ALG9: variants seen among roughly 807,000 people sequenced by gnomAD.
ALG9 encodes ALG9 alpha-1,2-mannosyltransferase, also known as alpha-1,2-mannosyltransferase ALG9.
ALG9 carries 55 observed loss-of-function variants against 81.8 expected under a neutral mutation model. That is an observed-to-expected ratio of 0.67 (90% CI 0.54 to 0.84). The LOEUF (loss-of-function observed/expected upper bound fraction) is 0.84, where lower values mean the gene tolerates loss of function less well. ALG9 is among the 40% of genes least tolerant of loss of function. ALG9 has a pLI of 0.00. For synonymous variants in ALG9, 278 were observed against 274.3 expected, an observed-to-expected ratio of 1.01 and a Z score of -0.13; for missense variants, 629 against 745.0, an observed-to-expected ratio of 0.84 and a Z score of 1.81.
At chr11:111,805,606 C>CAAAGTCTTTTCCAGTATGTA (rs1259041137) in intron 14 of ALG9, among the ~76,000 whole-genome samples, 2 of 152,074 alleles carry the variant, frequency 1.3e-5, no homozygotes, top group East Asian at 3.8e-4. Flanking sequence ...CTGGAAAAGG[C>CAAAGTCTTTTCCAGTATGTA]AAAACTATGA....
Position 111,844,495 on chromosome 11 carries a change from G to A in ALG9, c.1018+106C>T. 3.3e-6 allele frequency: 5 copies of A among 1,513,224 alleles called. No homozygotes were observed. In the South Asian group the frequency reaches 5.7e-5, roughly 17 times the overall value. The allele number at this position is 1,513,224 out of a possible 1,614,324, so 93.7% of individuals were successfully genotyped here. On this transcript the variant is annotated intron_variant, in intron 9 of 14. Transcript: ENST00000616540. ...ATTCAGTAAGCCAACCATTTCCATA[G>A]GAAGAATGTGGAAAATAAAGTAAGT...
chr11:111,811,026 C>T (rs551315936), intron 13 of ALG9, among the ~76,000 whole-genome samples: 1 of 152,248 alleles, frequency 6.6e-6, no homozygotes, highest in African/African-American at 2.4e-5. Context: ...AGAAACAAAA[C>T]TCATTCATCA....
rs569398781 is a variant in ALG9, at chr11:111,838,269, C to T, written c.1304G>A (p.Arg435His). Residue 435 changes from arginine to histidine, a missense_variant, in exon 11 of 15, where the codon CGC (arginine) becomes CAC (histidine). This residue lies in a region of ALG9 where 264 missense variants were observed against 302.2 expected (regional missense o/e 0.87). Transcript: ENST00000616540. ...TCTACCTCTGAACAGTGCCACAGAG[C>T]GAGAAAATGACAAGAGCCCAAACAG... ...VFLFGLLSFS[R>H]SVALFRGYHG... 11 of 1,613,932 alleles carry T rather than the reference C, an allele frequency of 6.8e-6. No individual in the cohort carries two copies. Among genetic ancestry groups the T allele is most frequent in the East Asian group, 4.5e-5 (2 of 44,878 alleles).
At position 111,786,329 on chromosome 11, in the gene ALG9, GCAGGGAGTCAGGT is replaced by G. The variant is rs782530816; in HGVS notation, c.*55_*67del. ...TTACAAATGTTACAGGCGATGACTT[GCAGGGAGTCAGGT>G]CACTGGAATCAATAGTTAACAAGAT... On this transcript the variant is annotated 3_prime_UTR_variant, in exon 15 of 15. Coordinates refer to ENST00000616540, the MANE Select transcript of ALG9 (RefSeq NM_024740.2). The G allele has an allele frequency of 2.4e-4, 385 of 1,606,684 alleles. 3 individuals carry two copies. Among genetic ancestry groups the G allele is most frequent in the African/African-American group, 1.4e-3 (108 of 74,740 alleles).
intron 13 of ALG9, among the ~76,000 whole-genome samples, chr11:111,826,568 G>A (rs1953339009): frequency 1.3e-5 from 2 of 152,026 alleles, no homozygotes; most frequent in Non-Finnish European, 1.5e-5. Flanking sequence ...CCAGAATGGA[G>A]TGCAGTGGCA....
chr11:111,864,113 C>T (rs1215897043), intron 4 of ALG9: 2 of 476,072 alleles, frequency 4.2e-6, no homozygotes, highest in African/African-American at 4.0e-5. Flanking sequence ...CAAAACCCAC[C>T]TGTACCCCAA....
At chr11:111,856,687 A>G (rs1958745255) in intron 6 of ALG9, among the ~76,000 whole-genome samples, 1 of 151,904 alleles carries the variant, frequency 6.6e-6, no homozygotes, top group East Asian at 1.9e-4. Context: ...GCATCAGATT[A>G]AAATATTTTC....
intron 14 of ALG9, among the ~76,000 whole-genome samples, chr11:111,799,796 C>G (rs1340763849): frequency 6.6e-6 from 1 of 152,208 alleles, no homozygotes. Flanking sequence ...GATTACCTTA[C>G]ATAAAAGCAA....
chr11:111,861,239 C>G (rs1959980612), intron 4 of ALG9, among the ~76,000 whole-genome samples: 1 of 152,158 alleles, frequency 6.6e-6, no homozygotes. Context: ...GTGAACCCCA[C>G]AAATTAAATG....
intron 6 of ALG9, 143 bp from the exon 7 acceptor site, chr11:111,853,879 C>T (rs1958228485): frequency 1.3e-6 from 1 of 742,188 alleles, no homozygotes; most frequent in South Asian, 1.5e-5. Context: ...GAGAGGATGT[C>T]GTCACAGGAC....
At chr11:111,820,252 T>C (rs1229087584) in intron 13 of ALG9, among the ~76,000 whole-genome samples, 6 of 152,282 alleles carry the variant, frequency 3.9e-5, no homozygotes, top group African/African-American at 1.4e-4. Flanking sequence ...TGTGTTGCTA[T>C]AACAGAATAT....
At chr11:111,870,882 C>A (rs1261495304) in intron 1 of ALG9, 3 of 1,001,108 alleles carry the variant, frequency 3.0e-6, no homozygotes. Context: ...AGCCTAGGTG[C>A]AAGGTACATA....
chr11:111,845,467 C>T (rs1204281823), intron 8 of ALG9: 3 of 152,146 alleles, frequency 2.0e-5, no homozygotes, highest in African/African-American at 7.2e-5. Context: ...AAGCAACAAC[C>T]CGTTTTTCTT....
intron 12 of ALG9, among the ~76,000 whole-genome samples, 184 bp downstream of exon 12, chr11:111,837,284 A>G (rs1555118418): frequency 6.6e-6 from 1 of 152,192 alleles, no homozygotes; most frequent in African/African-American, 2.4e-5. Flanking sequence ...CCCTCAGCCT[A>G]ATAAGCCTAA....
chr11:111,863,536 A>T (rs1053534011), intron 4 of ALG9, among the ~76,000 whole-genome samples: 9 of 152,148 alleles, frequency 5.9e-5, no homozygotes, highest in Admixed American at 3.9e-4. Context: ...TCAAGGCCAA[A>T]CATTTTTTAA....
At chr11:111,869,476 T>G (rs782739748) in intron 2 of ALG9, among the ~76,000 whole-genome samples, 2 of 152,168 alleles carry the variant, frequency 1.3e-5, no homozygotes, top group Non-Finnish European at 1.5e-5. Context: ...AAAAAAGTGG[T>G]TGCTTCTGGA....
In ALG9 at chr11:111,784,754, A is replaced by G. The variant is rs1428936289; in HGVS notation, c.*1643T>C. The G allele has an allele frequency of 6.6e-6, 1 of 152,340 alleles. No homozygotes were observed. The highest frequency in any genetic ancestry group is 1.9e-4 in the East Asian group (1 of 5,188). The allele number at this position is 152,340 out of a possible 1,614,324, so 9.4% of individuals were successfully genotyped here. ...GAAAAATGAAAGATGGAACTTCTGA[A>G]AAATAGATTCATCCTATTTGCAGAT... On this transcript the variant is annotated 3_prime_UTR_variant, in exon 15 of 15. Transcript: ENST00000616540.
At chr11:111,858,832 C>T (rs373297722) in intron 5 of ALG9, among the ~76,000 whole-genome samples, 5 of 152,074 alleles carry the variant, frequency 3.3e-5, no homozygotes, top group African/African-American at 4.8e-5. Context: ...TGAAAAGATG[C>T]CTTCAACTTA....
chr11:111,823,464 T>C (rs1555105788), intron 13 of ALG9, among the ~76,000 whole-genome samples: 1 of 152,234 alleles, frequency 6.6e-6, no homozygotes, highest in Non-Finnish European at 1.5e-5. Context: ...GTCTATGTCT[T>C]GCTTTTAGTA....
Sources: allele counts gnomAD v4.1 joint callset (sites outside exome capture counted in the v4.1 genomes callset), GRCh38; gene constraint gnomAD v4.1.1; regional missense constraint gnomAD v4.1.1; transcripts MANE v1.5; gene names NCBI Gene and HGNC (gene_info 2026-07-23, HGNC 2026-07-21).